Variants in PARD3 observed in about 807,000 individuals in gnomAD.
PARD3 encodes the protein par-3 family cell polarity regulator.
A neutral mutation model predicts 155.4 loss-of-function variants in PARD3; 75 were observed. The ratio of observed to expected loss-of-function variants is 0.48; its 90% CI spans 0.40 to 0.58. The LOEUF is 0.58. Among genes scored for constraint, PARD3 ranks in the 20% least tolerant of loss-of-function variants. The pLI is 0.00. For missense variants in PARD3, 1,642 were observed against 1,721.7 expected (o/e 0.95, Z 0.82); for synonymous variants, 576 against 610.5 (o/e 0.94, Z 0.83).
At chr10:34,213,195 C>G (rs1312023191) in intron 22 of PARD3, among the ~76,000 whole-genome samples, 1 of 152,150 alleles carries the variant, frequency 6.6e-6, no homozygotes, top group Non-Finnish European at 1.5e-5. Context: ...TGCTTCAACT[C>G]ATGGCAGAAA....
At chr10:34,375,732 T>G (rs746905713) in intron 10 of PARD3, among the ~76,000 whole-genome samples, 21 of 152,194 alleles carry the variant, frequency 1.4e-4, no homozygotes, top group Non-Finnish European at 2.2e-4. Flanking sequence ...TATTCTACAT[T>G]TTTCTTTTTA....
rs1254201906 is a variant in PARD3, at chr10:34,382,643, T to C, written c.1296A>G (p.Pro432=). Residue 432 remains proline (P), a synonymous_variant, in exon 9 of 25, where the codon CCA becomes CCG. Transcript: ENST00000374788. Reference sequence around the variant, plus strand: ...TCTGAGGTGCCGAGGCTGGAGCGGATGGTGGTTTTCCCGAGGGGTGTGCGC... The same window carrying C: ...TCTGAGGTGCCGAGGCTGGAGCGGACGGTGGTTTTCCCGAGGGGTGTGCGC... ...PHSAHPSGKP[P]SAPASAPQNV... is the part of the protein sequence containing the mutation. The C allele has an allele frequency of 1.1e-5, 18 of 1,613,974 alleles. No individual in the cohort carries two copies. The highest frequency in any genetic ancestry group is 1.4e-5 in the Non-Finnish European group (16 of 1,180,028).
chr10:34,524,009 ATTTTT>A (rs941501807), intron 2 of PARD3, among the ~76,000 whole-genome samples: 1 of 151,278 alleles, frequency 6.6e-6, no homozygotes, highest in East Asian at 1.9e-4. Flanking sequence ...TCTATCTCTT[ATTTTT>A]TTTTAAGATT....
chr10:34,224,552 AAATTT>A (rs1952490204), intron 22 of PARD3, among the ~76,000 whole-genome samples: 2 of 152,348 alleles, frequency 1.3e-5, no homozygotes, highest in Non-Finnish European at 2.9e-5. Context: ...CCAGTGCAGC[AAATTT>A]AAGATAACTC....
At chr10:34,324,354 T>C (rs1958556414) in intron 19 of PARD3, among the ~76,000 whole-genome samples, 1 of 152,216 alleles carries the variant, frequency 6.6e-6, no homozygotes, top group Non-Finnish European at 1.5e-5. Context: ...TCGGATGCAC[T>C]GTGTAGAATC....
In PARD3 at chr10:34,354,137, A is replaced by C. The variant is rs370214511; in HGVS notation, c.2067+5010T>G. On this transcript the variant is annotated intron_variant, in intron 14 of 24. Transcript: ENST00000374788. Reference sequence around the variant, plus strand: ...ACAAGACCTGTCTTTCTTCAAAAAAAAAAAACAAAAAAAAAACGCCAGATG... The same window carrying C: ...ACAAGACCTGTCTTTCTTCAAAAAACAAAAACAAAAAAAAAACGCCAGATG... 7.0e-4 allele frequency among the ~76,000 whole-genome samples: 106 copies of C among 151,624 alleles called. No homozygotes were observed. The East Asian group carries it at 0.018, about 25-fold the overall frequency.
In PARD3 at chr10:34,269,685, G is replaced by A. The variant is rs138980029; in HGVS notation, c.3391C>T (p.Arg1131Trp). 112 of 1,614,020 alleles carry A rather than the reference G, an allele frequency of 6.9e-5. No individual in the cohort carries two copies. Among genetic ancestry groups the A allele is most frequent in the Middle Eastern group, 5.0e-4 (3 of 6,054 alleles). The stretch of plus-strand genomic sequence containing the variant: ...TCTACAGGTGAGGGTTTGGAATTCC[G>A]CGGCTTCTTGACTTGGGCATACAAA... ...DALYAQVKKP[R>W]NSKPSPVDSN... Residue 1131 changes from arginine (R) to tryptophan (W), a missense_variant, in exon 22 of 25, where the codon CGG becomes TGG. This residue lies in a region of PARD3 where 1,529 missense variants were observed against 1,587.3 expected (regional missense o/e 0.96). Transcript: ENST00000374788.
chr10:34,632,915 C>T (rs1012715658), intron 2 of PARD3, among the ~76,000 whole-genome samples: 3 of 152,150 alleles, frequency 2.0e-5, no homozygotes, highest in Non-Finnish European at 2.9e-5. Flanking sequence ...ACAGGTGGCT[C>T]GGGGAGGAAC....
chr10:34,695,305 T>C (rs1484729071), intron 2 of PARD3, among the ~76,000 whole-genome samples: 1 of 151,712 alleles, frequency 6.6e-6, no homozygotes, highest in Admixed American at 6.6e-5. Flanking sequence ...TGAAACCATG[T>C]CTCTACTAAA....
intron 22 of PARD3, among the ~76,000 whole-genome samples, chr10:34,149,936 C>T (rs1948700843): frequency 6.6e-6 from 1 of 152,072 alleles, no homozygotes; most frequent in African/African-American, 2.4e-5. Flanking sequence ...TTGTAATGTT[C>T]TTTCTATCAT....
chr10:34,763,440 C>T (rs1837700370), intron 1 of PARD3, among the ~76,000 whole-genome samples: 8 of 152,138 alleles, frequency 5.3e-5, no homozygotes, highest in Admixed American at 3.9e-4. Flanking sequence ...CAACCTGTGT[C>T]CTCTGGGGGA....
chr10:34,257,500 A>G (rs1302541917), intron 22 of PARD3, among the ~76,000 whole-genome samples: 2 of 152,224 alleles, frequency 1.3e-5, no homozygotes, highest in East Asian at 3.9e-4. Context: ...ATTGAAAGAA[A>G]TCCCAGGCAG....
intron 22 of PARD3, among the ~76,000 whole-genome samples, chr10:34,250,800 ATAT>A (rs2133734859): frequency 6.6e-6 from 1 of 152,262 alleles, no homozygotes; most frequent in South Asian, 2.1e-4. Flanking sequence ...TATAATACTA[ATAT>A]TATGCAATTC....
At chr10:34,278,339 C>T (rs1312211128) in intron 21 of PARD3, among the ~76,000 whole-genome samples, 2 of 152,158 alleles carry the variant, frequency 1.3e-5, no homozygotes, top group Admixed American at 6.6e-5. Flanking sequence ...TTAATGTTAA[C>T]ATGCTTAAAT....
At chr10:34,655,942 G>T (rs115419697) in intron 2 of PARD3, among the ~76,000 whole-genome samples, 3,115 of 152,246 alleles carry the variant, frequency 0.02, 111 homozygotes, top group African/African-American at 0.071. Flanking sequence ...TTTAAATTCA[G>T]TTCTGAACTG....
At chr10:34,639,635 A>G (rs1418124017) in intron 2 of PARD3, among the ~76,000 whole-genome samples, 6 of 152,190 alleles carry the variant, frequency 3.9e-5, no homozygotes. Context: ...AAGCAGGAGG[A>G]CTGCTAGAGG....
intron 22 of PARD3, among the ~76,000 whole-genome samples, chr10:34,237,637 A>T (rs1953319510): frequency 6.6e-6 from 1 of 152,208 alleles, no homozygotes. Context: ...TAAACTATGA[A>T]CATATACAAG....
At chr10:34,696,210 TAATTTA>T (rs2094169311) in intron 2 of PARD3, 102 bp downstream of exon 2, 1 of 665,206 alleles carries the variant, frequency 1.5e-6, no homozygotes, top group African/African-American at 1.8e-5. Context: ...GGCCCACACA[TAATTTA>T]AAGTATGTGT....
In PARD3 at chr10:34,382,668, C is replaced by T; in HGVS notation, c.1271G>A (p.Ser424Asn). Reference sequence around the variant, plus strand: ...TGGTGGTTTTCCCGAGGGGTGTGCGCTATGAGGTAGTCTTGAGTGAGAGTC... The same window carrying T: ...TGGTGGTTTTCCCGAGGGGTGTGCGTTATGAGGTAGTCTTGAGTGAGAGTC... ...QIDSHSRLPHSAHPSGKPPSA... is the reference protein window; with the variant it reads ...QIDSHSRLPHNAHPSGKPPSA... Residue 424 changes from serine to asparagine, a missense_variant, in exon 9 of 25, where the codon AGC becomes AAC. By Grantham distance (46) the Ser-to-Asn change is conservative (BLOSUM62 1). Transcript: ENST00000374788. The T allele has an allele frequency of 6.2e-7, 1 of 1,614,120 alleles. No individual in the cohort carries two copies. Among genetic ancestry groups the T allele is most frequent in the Admixed American group, 1.7e-5 (1 of 60,008 alleles).
Sources: gnomAD v4.1 joint callset for allele counts (sites outside exome capture counted in the v4.1 genomes callset) on GRCh38, gnomAD v4.1.1 for gene constraint, gnomAD v4.1.1 regional missense constraint, MANE v1.5 for transcripts, NCBI Gene and HGNC (gene_info 2026-07-23, HGNC 2026-07-21) for gene names.